Variants in TTC7A observed in about 807,000 individuals in gnomAD.
TTC7A encodes tetratricopeptide repeat domain 7A, also known as tetratricopeptide repeat protein 7A.
A neutral mutation model predicts 103.7 loss-of-function variants in TTC7A; 110 were observed. That is an observed-to-expected ratio of 1.06 (90% confidence interval 0.91 to 1.24). The LOEUF (loss-of-function observed/expected upper bound fraction) is 1.24. Among genes scored for constraint, TTC7A ranks in the 50% most tolerant of loss-of-function variants. The pLI, the probability that TTC7A is intolerant of heterozygous loss-of-function variation, is 0.00. For missense variants in TTC7A, 1,340 were observed against 1,116.3 expected (o/e 1.20, Z -2.86); for synonymous variants, 521 against 467.9 (o/e 1.11, Z -1.47).
intron 11 of TTC7A, among the ~76,000 whole-genome samples, chr2:47,016,147 G>A (rs1572914961): frequency 6.6e-6 from 1 of 152,290 alleles, no homozygotes; most frequent in East Asian, 1.9e-4. Context: ...GTCTGTGTAG[G>A]GACCAAATTC....
chr2:46,991,649 A>G (rs184789513), intron 5 of TTC7A, among the ~76,000 whole-genome samples: 4 of 152,316 alleles, frequency 2.6e-5, no homozygotes, highest in Admixed American at 2.6e-4. Flanking sequence ...TACGACATAA[A>G]TAATAATACC....
intron 19 of TTC7A, among the ~76,000 whole-genome samples, chr2:47,072,771 G>T (rs544591456): frequency 6.6e-6 from 1 of 151,178 alleles, no homozygotes; most frequent in Non-Finnish European, 1.5e-5. Context: ...TCAGTGGGAC[G>T]GCATGAAGCA....
In TTC7A at chr2:47,031,199, G is replaced by A. The variant is rs1301198743; in HGVS notation, c.1802+1815G>A. 1.1e-4 allele frequency among the ~76,000 whole-genome samples: 17 copies of A among 151,900 alleles called. No individual in the cohort carries two copies. In the Admixed American group the frequency reaches 1.1e-3, roughly 10 times the overall value. On this transcript the variant is annotated intron_variant, in intron 15 of 19. Transcript: ENST00000319190. The stretch of plus-strand genomic sequence containing the variant: ...AATTCCAGTCACTTCACCCGCAAAG[G>A]CGAGTAGCTTAGGAAATCCTAACAC...
chr2:47,017,200 CAAAAAAA>C (rs70940652), intron 11 of TTC7A, among the ~76,000 whole-genome samples: 39 of 35,584 alleles, frequency 1.1e-3, no homozygotes, highest in Admixed American at 3.5e-3. Context: ...CACTCTGTCT[CAAAAAAA>C]AAAAAAAAAA....
At chr2:46,943,415 C>A (rs988440063) in intron 1 of TTC7A, among the ~76,000 whole-genome samples, 1 of 151,980 alleles carries the variant, frequency 6.6e-6, no homozygotes, top group Non-Finnish European at 1.5e-5. Flanking sequence ...TGGGAACTGG[C>A]CAGTATAAGG....
At chr2:46,944,073 T>C (rs1185533522) in intron 1 of TTC7A, among the ~76,000 whole-genome samples, 1 of 152,080 alleles carries the variant, frequency 6.6e-6, no homozygotes, top group Non-Finnish European at 1.5e-5. Context: ...TGCTACTGTC[T>C]CCTCACTCAC....
intron 18 of TTC7A, chr2:47,054,059 T>C: frequency 3.1e-6 from 3 of 960,242 alleles, no homozygotes; most frequent in East Asian, 1.1e-4. Context: ...CATTTGCACA[T>C]GAGCCTTTCT....
chr2:47,075,680 CCTG>C lies in TTC7A; in HGVS notation c.*1758_*1760del, dbSNP rs1377385164. On this transcript the variant is annotated 3_prime_UTR_variant, in exon 20 of 20. Transcript: ENST00000319190. ...GCCAGAGAAGGCATCGAAGCCAAGA[CCTG>C]GGCCCACCTGGGGAGGGATGTGGGA... 2 of 152,418 alleles carry C rather than the reference CCTG, an allele frequency of 1.3e-5. No individual in the cohort carries two copies. The highest frequency in any genetic ancestry group is 2.9e-5 in the Non-Finnish European group (2 of 68,182). The allele number at this position is 152,418 out of a possible 1,614,324, so 9.4% of individuals were successfully genotyped here.
chr2:47,066,512 A>G (rs904065806), intron 19 of TTC7A, among the ~76,000 whole-genome samples: 1 of 152,130 alleles, frequency 6.6e-6, no homozygotes, highest in African/African-American at 2.4e-5. Context: ...CTCTCTGGCC[A>G]CACAGAGCTT....
At chr2:46,986,473 G>C (rs1325067468) in intron 5 of TTC7A, among the ~76,000 whole-genome samples, 1 of 152,118 alleles carries the variant, frequency 6.6e-6, no homozygotes, top group Non-Finnish European at 1.5e-5. Flanking sequence ...TCCCAGAGGG[G>C]AGCCTGTGGT....
At chr2:46,958,038 C>T (rs1202144986) in intron 3 of TTC7A, among the ~76,000 whole-genome samples, 1 of 152,192 alleles carries the variant, frequency 6.6e-6, no homozygotes, top group Non-Finnish European at 1.5e-5. Flanking sequence ...AACCTCCATG[C>T]TCTGACTCTG....
intron 15 of TTC7A, among the ~76,000 whole-genome samples, chr2:47,033,699 T>C (rs1362526569): frequency 6.6e-6 from 1 of 152,180 alleles, no homozygotes; most frequent in African/African-American, 2.4e-5. Flanking sequence ...GGGAGGTTTA[T>C]TGTGAGACTC....
At chr2:46,933,658 G>A (rs144662560) in intron 2 of TTC7A, among the ~76,000 whole-genome samples, 126 of 152,344 alleles carry the variant, frequency 8.3e-4, no homozygotes, top group African/African-American at 3.0e-3. Context: ...GTTGATTTCC[G>A]AATGTAGCGA....
At chr2:46,927,949 A>C in intron 2 of TTC7A, among the ~76,000 whole-genome samples, 1 of 121,132 alleles carries the variant, frequency 8.3e-6, no homozygotes, top group South Asian at 2.6e-4. Flanking sequence ...GCTGGAGTAT[A>C]GTGGCACGGT....
intron 3 of TTC7A, among the ~76,000 whole-genome samples, chr2:46,965,215 A>C (rs1396940290): frequency 6.6e-6 from 1 of 152,142 alleles, no homozygotes; most frequent in Non-Finnish European, 1.5e-5. Flanking sequence ...TGTCACCTGG[A>C]ATTGTGTGGC....
chr2:46,968,612 A>G (rs755432999), intron 3 of TTC7A, among the ~76,000 whole-genome samples: 2 of 152,226 alleles, frequency 1.3e-5, no homozygotes, highest in Non-Finnish European at 2.9e-5. Flanking sequence ...TGCCAGCTCC[A>G]GAAACTTTTT....
At chr2:46,921,982 G>C (rs529103335) in intron 2 of TTC7A, among the ~76,000 whole-genome samples, 1 of 152,316 alleles carries the variant, frequency 6.6e-6, no homozygotes, top group Admixed American at 6.5e-5. Context: ...GCCCCTGTAA[G>C]AAATAAGGGA....
Position 47,060,779 on chromosome 2 carries a change from C to T in TTC7A, c.2163C>T (p.Phe721=), listed in dbSNP as rs1011519119. The T allele has an allele frequency of 1.2e-6, 2 of 1,607,738 alleles. No homozygotes were observed. Among genetic ancestry groups the T allele is most frequent in the Non-Finnish European group, 1.7e-6 (2 of 1,175,320 alleles). Reference sequence around the variant, plus strand: ...CTTCTGCTTTTGCAGCTGAGCTGTTCATGGAGCAGCAGCACCTCAAGGAAG... The same window carrying T: ...CTTCTGCTTTTGCAGCTGAGCTGTTTATGGAGCAGCAGCACCTCAAGGAAG... The part of the protein sequence containing the change: ...EQIWLQAAEL[F]MEQQHLKEAG... Residue 721 remains phenylalanine (F), a synonymous_variant, in exon 19 of 20, where the codon TTC becomes TTT. Transcript: ENST00000319190.
intron 3 of TTC7A, among the ~76,000 whole-genome samples, chr2:46,960,896 G>T (rs1201434370): frequency 6.6e-6 from 1 of 152,236 alleles, no homozygotes; most frequent in Non-Finnish European, 1.5e-5. Context: ...GCCTCCTTCA[G>T]CCCTGGCTTG....
Sources: allele counts gnomAD v4.1 joint callset (sites outside exome capture counted in the v4.1 genomes callset), GRCh38; gene constraint gnomAD v4.1.1; transcripts MANE v1.5; gene names NCBI Gene and HGNC (gene_info 2026-07-23, HGNC 2026-07-21).